NCKAP1L: variants seen among roughly 807,000 people sequenced by gnomAD.
NCKAP1L encodes NCK associated protein 1 like, also known as nck-associated protein 1-like.
NCKAP1L carries 53 observed loss-of-function variants against 139.2 expected under a neutral mutation model. The observed-to-expected ratio is 0.38, with a 90% CI of 0.31 to 0.48. The LOEUF (loss-of-function observed/expected upper bound fraction) is 0.48. NCKAP1L is among the 20% of genes least tolerant of loss of function. The probability of loss-of-function intolerance (pLI) is 0.98; values close to 1 mark genes in which losing one functional copy is unlikely to be tolerated. For synonymous variants in NCKAP1L, 468 were observed against 499.7 expected, an observed-to-expected ratio of 0.94 and a Z score of 0.85; for missense variants, 1,151 against 1,381.9, an observed-to-expected ratio of 0.83 and a Z score of 2.65.
intron 26 of NCKAP1L, among the ~76,000 whole-genome samples, chr12:54,533,742 G>C (rs1400061271): frequency 1.3e-5 from 2 of 152,032 alleles, no homozygotes; most frequent in East Asian, 1.9e-4. Context: ...GCTAATTTTT[G>C]TATTTTTAGT....
In NCKAP1L at chr12:54,543,089, T is replaced by G; in HGVS notation, c.*404T>G. The stretch of plus-strand genomic sequence containing the variant: ...GATGATCAATCATCATATTAAATCA[T>G]AATGAGCTTATAATCCTCCCACTGG... On this transcript the variant is annotated 3_prime_UTR_variant, in exon 31 of 31. Coordinates refer to ENST00000293373, the MANE Select transcript of NCKAP1L (RefSeq NM_005337.5). The G allele has an allele frequency of 6.0e-6, 1 of 165,624 alleles. No homozygotes were observed. Among genetic ancestry groups the G allele is most frequent in the Non-Finnish European group, 1.3e-5 (1 of 76,264 alleles). 10.3% of individuals were successfully genotyped at this position (165,624 alleles called of 1,614,324 possible). A position where few individuals can be genotyped will look rare whatever the true frequency, so the allele number is the denominator to read the frequency against.
At chr12:54,532,292 G>T in intron 26 of NCKAP1L, 42 bp downstream of exon 26, 1 of 1,533,784 alleles carries the variant, frequency 6.5e-7, no homozygotes, top group Non-Finnish European at 8.9e-7. Flanking sequence ...GGAGACTTTT[G>T]TTGTTGAAAA....
At chr12:54,501,452 C>A (rs1472045006) in intron 3 of NCKAP1L, among the ~76,000 whole-genome samples, 1 of 151,682 alleles carries the variant, frequency 6.6e-6, no homozygotes, top group African/African-American at 2.4e-5. Flanking sequence ...ACTTTCAATT[C>A]TTTTGATTAT....
rs771136436 is a variant in NCKAP1L, at chr12:54,538,898, C to T, written c.3198C>T (p.Ser1066=). The T allele has an allele frequency of 6.2e-7, 1 of 1,614,014 alleles. No individual in the cohort carries two copies. Among genetic ancestry groups the T allele is most frequent in the South Asian group, 1.1e-5 (1 of 91,076 alleles). Residue 1066 remains serine, a synonymous_variant, in exon 30 of 31, where the codon AGC becomes AGT. Coordinates refer to ENST00000293373, the MANE Select transcript of NCKAP1L (RefSeq NM_005337.5). ...TTCCCTTACAGGTGGCCTCTGTCAG[C>T]CTCTTGCAGCTGGGCCAGGAGACTG... ...LKEFLVVASV[S]LLQLGQETDK... is the part of the protein sequence containing the mutation.
At chr12:54,539,776 A>AC (rs1398476483) in intron 30 of NCKAP1L, among the ~76,000 whole-genome samples, 1 of 152,036 alleles carries the variant, frequency 6.6e-6, no homozygotes, top group African/African-American at 2.4e-5. Context: ...TAGAGCCTGT[A>AC]CCCCACCTTG....
In NCKAP1L at chr12:54,543,258, G is replaced by A. The variant is rs1408622135; in HGVS notation, c.*573G>A. ...TTTTCCTTTGTGGGGCTCTTCGAGG[G>A]GTCATTGGGTCTCTTCCTTTGCCCC... On this transcript the variant is annotated 3_prime_UTR_variant, in exon 31 of 31. Coordinates refer to ENST00000293373, the MANE Select transcript of NCKAP1L (RefSeq NM_005337.5). The A allele has an allele frequency of 6.6e-6, 1 of 152,238 alleles. No individual in the cohort carries two copies. Among genetic ancestry groups the A allele is most frequent in the Non-Finnish European group, 1.5e-5 (1 of 68,088 alleles). 9.4% of individuals were successfully genotyped at this position (152,238 alleles called of 1,614,324 possible).
intron 18 of NCKAP1L, among the ~76,000 whole-genome samples, chr12:54,522,912 G>T (rs1956996034): frequency 6.6e-6 from 1 of 152,180 alleles, no homozygotes; most frequent in African/African-American, 2.4e-5. Context: ...TGGCCACATT[G>T]TGAACTCCAA....
At chr12:54,518,993 A>G in intron 15 of NCKAP1L, 21 bp downstream of exon 15, 1 of 1,605,768 alleles carries the variant, frequency 6.2e-7, no homozygotes, top group Non-Finnish European at 8.5e-7. Flanking sequence ...GTTCCTGTTA[A>G]AGATTCTCAT....
intron 26 of NCKAP1L, among the ~76,000 whole-genome samples, chr12:54,532,952 T>G (rs540748449): frequency 1.3e-5 from 2 of 152,348 alleles, no homozygotes; most frequent in South Asian, 4.1e-4. Context: ...TATAATTGAT[T>G]CCTTTAATGG....
At chr12:54,501,096 T>A (rs1178060125) in intron 3 of NCKAP1L, among the ~76,000 whole-genome samples, 1 of 152,216 alleles carries the variant, frequency 6.6e-6, no homozygotes, top group Non-Finnish European at 1.5e-5. Flanking sequence ...TCTCTACCCT[T>A]TATGCAATAA....
At chr12:54,525,979 T>C (rs1240746999) in intron 20 of NCKAP1L, among the ~76,000 whole-genome samples, 1 of 152,158 alleles carries the variant, frequency 6.6e-6, no homozygotes, top group Non-Finnish European at 1.5e-5. Flanking sequence ...CTCTCTAATG[T>C]TGCCTATAGC....
chr12:54,524,395 G>A (rs1416015474), intron 20 of NCKAP1L, among the ~76,000 whole-genome samples: 15 of 152,176 alleles, frequency 9.9e-5, no homozygotes, highest in Non-Finnish European at 1.8e-4. Flanking sequence ...GAGAATTAAA[G>A]TTAGTAATGA....
rs1957178286 is a variant in NCKAP1L, at chr12:54,543,805, ACTT to A, written c.*1123_*1125del. On this transcript the variant is annotated 3_prime_UTR_variant, in exon 31 of 31. Transcript: ENST00000293373. ...CAGGAAATAGTGGCCCCCATGCATC[ACTT>A]CTGTGAATCCACTGCCAGGGAGAAG... is the stretch of plus-strand genomic sequence containing the variant. 1 of 152,228 alleles carries A rather than the reference ACTT, an allele frequency of 6.6e-6. No homozygotes were observed. Among genetic ancestry groups the A allele is most frequent in the Non-Finnish European group, 1.5e-5 (1 of 68,044 alleles). 9.4% of individuals were successfully genotyped at this position (152,228 alleles called of 1,614,324 possible).
At chr12:54,528,221 C>T in intron 21 of NCKAP1L, 26 bp from the exon 22 acceptor site, 5 of 1,611,672 alleles carry the variant, frequency 3.1e-6, no homozygotes, top group Non-Finnish European at 4.2e-6. Context: ...GGATCCTAAT[C>T]TATGTTTTCT....
Position 54,546,499 on chromosome 12 carries a change from G to A in NCKAP1L, c.*3814G>A, listed in dbSNP as rs541658569. On this transcript the variant is annotated 3_prime_UTR_variant, in exon 31 of 31. Coordinates refer to ENST00000293373, the MANE Select transcript of NCKAP1L (RefSeq NM_005337.5). ...CAGGAGGGAGGGAGGGTATATCTGT[G>A]TCCCCCAGCTAGGGACAAGGCTTCC... 3 of 152,252 alleles carry A rather than the reference G, an allele frequency of 2.0e-5. No individual in the cohort carries two copies. The highest frequency in any genetic ancestry group is 1.9e-4 in the East Asian group (1 of 5,178). 9.4% of individuals were successfully genotyped at this position (152,252 alleles called of 1,614,324 possible).
intron 18 of NCKAP1L, 129 bp from the exon 19 acceptor site, chr12:54,523,265 G>T: frequency 1.8e-6 from 2 of 1,083,978 alleles, no homozygotes; most frequent in Non-Finnish European, 2.7e-6. Context: ...GAGGTGTGTG[G>T]AAGGAAAGAG....
chr12:54,506,130 G>T (rs1213308740), intron 3 of NCKAP1L, among the ~76,000 whole-genome samples: 2 of 151,936 alleles, frequency 1.3e-5, no homozygotes, highest in African/African-American at 4.8e-5. Flanking sequence ...ATTTCACTTG[G>T]GTAAATCTAG....
chr12:54,516,947 G>C lies in NCKAP1L; in HGVS notation c.1050G>C (p.Glu350Asp). The C allele has an allele frequency of 6.2e-7, 1 of 1,613,026 alleles. No individual in the cohort carries two copies. Among genetic ancestry groups the C allele is most frequent in the Non-Finnish European group, 8.5e-7 (1 of 1,179,310 alleles). Residue 350 changes from glutamate (E) to aspartate (D), a missense_variant, in exon 11 of 31, where the codon GAG (glutamate) becomes GAC (aspartate). Coordinates refer to ENST00000293373, the MANE Select transcript of NCKAP1L (RefSeq NM_005337.5). ...RRQFLRMAVK[E>D]LETVLADEPG... ...AATTTCTGCGGATGGCAGTGAAGGA[G>C]CTGGAGACTGTGTTGGCTGATGAAC... is the stretch of plus-strand genomic sequence containing the variant.
chr12:54,498,073 T>G (rs1435306908), intron 1 of NCKAP1L, among the ~76,000 whole-genome samples, 182 bp downstream of exon 1: 1 of 152,166 alleles, frequency 6.6e-6, no homozygotes, highest in East Asian at 1.9e-4. Flanking sequence ...AAGTGGAGGC[T>G]TCTTTTCAAG....
Sources: allele counts gnomAD v4.1 joint callset (sites outside exome capture counted in the v4.1 genomes callset), GRCh38; gene constraint gnomAD v4.1.1; transcripts MANE v1.5; gene names NCBI Gene and HGNC (gene_info 2026-07-23, HGNC 2026-07-21).